Variants in KCNG3 observed in about 807,000 individuals in gnomAD.
KCNG3 encodes the protein potassium voltage-gated channel modifier subfamily G member 3.
A neutral mutation model predicts 29.0 loss-of-function variants in KCNG3; 15 were observed. That is an observed-to-expected ratio of 0.52 (90% confidence interval 0.35 to 0.80). KCNG3 has a LOEUF of 0.80. KCNG3 is among the 30% of genes least tolerant of loss of function. KCNG3 has a pLI of 0.01. For missense variants in KCNG3, 512 were observed against 605.7 expected, an observed-to-expected ratio of 0.85 and a Z score of 1.62; for synonymous variants, 322 against 248.9, an observed-to-expected ratio of 1.29 and a Z score of -2.76.
At chr2:42,484,605 C>T (rs192352865) in intron 1 of KCNG3, among the ~76,000 whole-genome samples, 14 of 152,236 alleles carry the variant, frequency 9.2e-5, no homozygotes, top group Admixed American at 2.6e-4. Context: ...GAAAGTTTCT[C>T]GAAGAATACC....
chr2:42,415,941 T>A, the KCNG3 span, among the ~76,000 whole-genome samples: 35 of 152,168 alleles, frequency 2.3e-4, 1 homozygote, highest in Non-Finnish European at 4.3e-4. Context: ...ATGGCTGTAA[T>A]CTGAGTACTT....
At chr2:42,473,611 A>C (rs964164667) in intron 1 of KCNG3, among the ~76,000 whole-genome samples, 2 of 151,878 alleles carry the variant, frequency 1.3e-5, no homozygotes, top group African/African-American at 4.8e-5. Flanking sequence ...CAGCCTCCCA[A>C]AGTGCTGGGA....
the KCNG3 span, among the ~76,000 whole-genome samples, chr2:42,428,762 A>C: frequency 6.6e-6 from 1 of 152,186 alleles, no homozygotes; most frequent in African/African-American, 2.4e-5. Flanking sequence ...CACAACTCAA[A>C]TACCACTTCC....
In KCNG3 at chr2:42,442,266, AG is replaced by A. The variant is rs1482550741; in HGVS notation, c.*1667del. On this transcript the variant is annotated 3_prime_UTR_variant, in exon 2 of 2. Coordinates refer to ENST00000306078, the MANE Select transcript of KCNG3 (RefSeq NM_133329.6). ...AATGGCCAAACTATTACATAAGCTT[AG>A]GAAAGGAAATTAAGGGAAAGAAAAC... The A allele has an allele frequency of 6.6e-6, 1 of 152,242 alleles. No homozygotes were observed. Among genetic ancestry groups the A allele is most frequent in the African/African-American group, 2.4e-5 (1 of 41,472 alleles). The allele number at this position is 152,242 out of a possible 1,614,324, so 9.4% of individuals were successfully genotyped here. A position where few individuals can be genotyped will look rare whatever the true frequency, so the allele number is the denominator to read the frequency against.
At chr2:42,419,248 T>TTTTTA in the KCNG3 span, among the ~76,000 whole-genome samples, 1 of 128,796 alleles carries the variant, frequency 7.8e-6, no homozygotes, top group Non-Finnish European at 1.6e-5. Context: ...TTTTTTTTTT[T>TTTTTA]TTTTTGAGAT....
At chr2:42,477,384 T>TACACACACACACACACACACACAC (rs1210187032) in intron 1 of KCNG3, among the ~76,000 whole-genome samples, 1 of 101,900 alleles carries the variant, frequency 9.8e-6, no homozygotes, top group African/African-American at 4.3e-5. Flanking sequence ...CACACACATA[T>TACACACACACACACACACACACAC]ATATACACAC....
intron 1 of KCNG3, among the ~76,000 whole-genome samples, chr2:42,458,924 A>T (rs1277489285): frequency 6.6e-6 from 1 of 152,156 alleles, no homozygotes; most frequent in Non-Finnish European, 1.5e-5. Flanking sequence ...GAGAAGACAG[A>T]ATGGCCAGAC....
At chr2:42,389,759 T>C in the KCNG3 span, among the ~76,000 whole-genome samples, 64 of 152,338 alleles carry the variant, frequency 4.2e-4, no homozygotes, top group African/African-American at 1.5e-3. Flanking sequence ...ACCAGTTTTT[T>C]CCACTAAGGT....
chr2:42,483,495 G>GTCC (rs1321029142), intron 1 of KCNG3, among the ~76,000 whole-genome samples: 17 of 152,202 alleles, frequency 1.1e-4, no homozygotes, highest in Non-Finnish European at 8.8e-5. Flanking sequence ...TAGAGTGGGA[G>GTCC]CATGGGAATC....
chr2:42,405,405 G>A, the KCNG3 span, among the ~76,000 whole-genome samples: 5 of 149,594 alleles, frequency 3.3e-5, no homozygotes, highest in Admixed American at 1.3e-4. Flanking sequence ...CACCCCTTCT[G>A]CATTCATTGG....
chr2:42,481,675 G>T (rs976441864), intron 1 of KCNG3, among the ~76,000 whole-genome samples: 1 of 152,006 alleles, frequency 6.6e-6, no homozygotes, highest in East Asian at 1.9e-4. Flanking sequence ...GCCTTCCCCC[G>T]CATTCCCCAC....
chr2:42,462,322 G>A (rs756822970), intron 1 of KCNG3, among the ~76,000 whole-genome samples: 26 of 152,206 alleles, frequency 1.7e-4, no homozygotes, highest in Non-Finnish European at 1.2e-4. Context: ...TAGAAAAGAA[G>A]CAGCTATCAC....
chr2:42,414,324 T>A, the KCNG3 span, among the ~76,000 whole-genome samples: 2 of 152,174 alleles, frequency 1.3e-5, no homozygotes, highest in Non-Finnish European at 2.9e-5. Context: ...CTACTGACAG[T>A]TTAGCTGGGT....
At chr2:42,407,647 C>T in the KCNG3 span, among the ~76,000 whole-genome samples, 1 of 152,158 alleles carries the variant, frequency 6.6e-6, no homozygotes, top group South Asian at 2.1e-4. Context: ...GGGGCAGCTG[C>T]AGCTGCCCAA....
At chr2:42,420,285 T>C in the KCNG3 span, among the ~76,000 whole-genome samples, 1 of 152,190 alleles carries the variant, frequency 6.6e-6, no homozygotes, top group Admixed American at 6.5e-5. Flanking sequence ...AGAACATCTA[T>C]GTTTGAATTG....
intron 1 of KCNG3, among the ~76,000 whole-genome samples, chr2:42,466,910 G>A (rs1047772003): frequency 1.3e-5 from 2 of 151,752 alleles, no homozygotes; most frequent in Non-Finnish European, 2.9e-5. Flanking sequence ...TTGCCACCAC[G>A]TCTGGCTAAT....
chr2:42,471,328 A>C (rs1034185967), intron 1 of KCNG3, among the ~76,000 whole-genome samples: 18 of 152,196 alleles, frequency 1.2e-4, no homozygotes, highest in African/African-American at 4.3e-4. Flanking sequence ...ATTATTATCC[A>C]ATCATAAAAG....
the KCNG3 span, among the ~76,000 whole-genome samples, chr2:42,402,852 G>T: frequency 6.6e-6 from 1 of 152,066 alleles, no homozygotes; most frequent in South Asian, 2.1e-4. Context: ...TCAGAATTAC[G>T]TTTGAATTGT....
chr2:42,433,588 A>T, the KCNG3 span, among the ~76,000 whole-genome samples: 1 of 151,998 alleles, frequency 6.6e-6, no homozygotes, highest in African/African-American at 2.4e-5. Flanking sequence ...AAAATACAAA[A>T]ATTAGCCAGG....
Sources: gnomAD v4.1 joint callset for allele counts (sites outside exome capture counted in the v4.1 genomes callset) on GRCh38, gnomAD v4.1.1 for gene constraint, MANE v1.5 for transcripts, NCBI Gene and HGNC (gene_info 2026-07-23, HGNC 2026-07-21) for gene names.